The following NOX4 variants were observed in gnomAD, a reference collection of about 807,000 sequenced individuals.
NOX4 encodes the protein kidney oxidase-1.
A neutral mutation model predicts 87.6 loss-of-function variants in NOX4; 69 were observed. The observed-to-expected ratio is 0.79, with a 90% CI of 0.65 to 0.96. NOX4 has a LOEUF of 0.96. NOX4 is among the 40% of genes least tolerant of loss of function. The pLI, the probability that NOX4 is intolerant of heterozygous loss-of-function variation, is 0.00. For synonymous variants in NOX4, 275 were observed against 238.2 expected, an observed-to-expected ratio of 1.15 and a Z score of -1.42; for missense variants, 680 against 681.5, an observed-to-expected ratio of 1.00 and a Z score of 0.02.
chr11:89,453,149 T>G (rs1945043126), intron 2 of NOX4, among the ~76,000 whole-genome samples: 1 of 152,198 alleles, frequency 6.6e-6, no homozygotes, highest in African/African-American at 2.4e-5. Context: ...CAGGCCTATT[T>G]CCAGGCCTAT....
chr11:89,585,591 G>A, the NOX4 span, among the ~76,000 whole-genome samples: 1 of 152,150 alleles, frequency 6.6e-6, no homozygotes, highest in African/African-American at 2.4e-5. Context: ...AAATTAATGA[G>A]TGTTGCTGTG....
At chr11:89,553,475 C>G in the NOX4 span, among the ~76,000 whole-genome samples, 1 of 152,200 alleles carries the variant, frequency 6.6e-6, no homozygotes, top group East Asian at 1.9e-4. Flanking sequence ...ATAAATTACC[C>G]AGTTTCAGGT....
chr11:89,335,543 T>G (rs1314322535), intron 17 of NOX4, among the ~76,000 whole-genome samples: 1 of 151,766 alleles, frequency 6.6e-6, no homozygotes, highest in Non-Finnish European at 1.5e-5. Flanking sequence ...GATCACCTGA[T>G]ATATGCTGTG....
At chr11:89,551,606 G>A in the NOX4 span, among the ~76,000 whole-genome samples, 2 of 151,568 alleles carry the variant, frequency 1.3e-5, no homozygotes, top group African/African-American at 4.8e-5. Flanking sequence ...CTCTATCATT[G>A]GTGTATAAGA....
At chr11:89,557,750 C>T in the NOX4 span, among the ~76,000 whole-genome samples, 1 of 151,994 alleles carries the variant, frequency 6.6e-6, no homozygotes, top group Non-Finnish European at 1.5e-5. Flanking sequence ...ATATACTTTA[C>T]GATTAATTAC....
chr11:89,551,841 G>C, the NOX4 span, among the ~76,000 whole-genome samples: 1 of 152,000 alleles, frequency 6.6e-6, no homozygotes, highest in Non-Finnish European at 1.5e-5. Context: ...GAATAGAAGT[G>C]GTAAGAGAGG....
intron 5 of NOX4, among the ~76,000 whole-genome samples, chr11:89,441,774 T>G (rs977923722): frequency 6.6e-6 from 1 of 151,926 alleles, no homozygotes; most frequent in Non-Finnish European, 1.5e-5. Context: ...GAGAGATGTT[T>G]TCACAGTGGC....
chr11:89,347,294 C>A (rs1182825705), intron 13 of NOX4, among the ~76,000 whole-genome samples: 1 of 152,146 alleles, frequency 6.6e-6, no homozygotes, highest in Non-Finnish European at 1.5e-5. Context: ...TCTCTTCTGA[C>A]AGGATTTAGA....
intron 2 of NOX4, among the ~76,000 whole-genome samples, chr11:89,465,761 G>C (rs1591323905): frequency 6.6e-6 from 1 of 152,076 alleles, no homozygotes; most frequent in African/African-American, 2.4e-5. Flanking sequence ...TGTGTCTGTT[G>C]GCTGCATAAA....
At chr11:89,433,347 T>A (rs1247384089) in intron 6 of NOX4, among the ~76,000 whole-genome samples, 1 of 152,090 alleles carries the variant, frequency 6.6e-6, no homozygotes, top group Non-Finnish European at 1.5e-5. Flanking sequence ...CCATTTTTTT[T>A]AATTCCCAAA....
At chr11:89,383,455 G>A (rs376142127) in intron 11 of NOX4, among the ~76,000 whole-genome samples, 1 of 152,194 alleles carries the variant, frequency 6.6e-6, no homozygotes, top group African/African-American at 2.4e-5. Context: ...AGTGACTGAA[G>A]ACTAATGCTG....
the NOX4 span, among the ~76,000 whole-genome samples, chr11:89,511,525 A>G: frequency 6.6e-6 from 1 of 151,952 alleles, no homozygotes. Context: ...GTATTACATA[A>G]CTAGGGGTTA....
the NOX4 span, among the ~76,000 whole-genome samples, chr11:89,556,137 C>T: frequency 6.6e-6 from 1 of 152,082 alleles, no homozygotes; most frequent in Non-Finnish European, 1.5e-5. Flanking sequence ...GATCTAACAT[C>T]TACCCTACAA....
At chr11:89,516,712 A>G in the NOX4 span, among the ~76,000 whole-genome samples, 1 of 151,978 alleles carries the variant, frequency 6.6e-6, no homozygotes, top group Admixed American at 6.6e-5. Context: ...TTATAGTCAT[A>G]TTTTGGGTCT....
intron 11 of NOX4, among the ~76,000 whole-genome samples, chr11:89,380,994 T>C (rs1940243953): frequency 6.6e-6 from 1 of 152,150 alleles, no homozygotes; most frequent in Non-Finnish European, 1.5e-5. Context: ...ACCCACTAAA[T>C]TAAATAAACA....
At chr11:89,393,070 A>T (rs1027085393) in intron 11 of NOX4, among the ~76,000 whole-genome samples, 2 of 152,156 alleles carry the variant, frequency 1.3e-5, no homozygotes, top group African/African-American at 4.8e-5. Flanking sequence ...ATGTTGGACA[A>T]CTATCGATCT....
Position 89,335,961 on chromosome 11 carries a change from C to T in NOX4, c.1516-16G>A. The T allele has an allele frequency of 6.8e-7, 1 of 1,479,042 alleles. No individual in the cohort carries two copies. The highest frequency in any genetic ancestry group is 9.4e-7 in the Non-Finnish European group (1 of 1,067,114). 91.6% of individuals were successfully genotyped at this position (1,479,042 alleles called of 1,614,324 possible). On this transcript the variant is annotated splice_polypyrimidine_tract_variant and intron_variant, in intron 16 of 17. Transcript: ENST00000263317. ...CAATTATCTTCTGCCAAAAAGAAAG[C>T]ACTACATTATTCGATATTTAGTTAA...
At chr11:89,530,127 G>A in the NOX4 span, among the ~76,000 whole-genome samples, 2 of 151,392 alleles carry the variant, frequency 1.3e-5, no homozygotes, top group Admixed American at 1.3e-4. Flanking sequence ...GTTAAATTGA[G>A]CTTAAATGAT....
the NOX4 span, among the ~76,000 whole-genome samples, chr11:89,521,857 A>T: frequency 2.0e-5 from 3 of 152,110 alleles, no homozygotes; most frequent in Non-Finnish European, 4.4e-5. Context: ...TAACCCCATT[A>T]AAAAACAGGC....
Sources: gnomAD v4.1 joint callset for allele counts (sites outside exome capture counted in the v4.1 genomes callset) on GRCh38, gnomAD v4.1.1 for gene constraint, MANE v1.5 for transcripts, NCBI Gene and HGNC (gene_info 2026-07-23, HGNC 2026-07-21) for gene names.